The following XPR1 variants were observed in gnomAD, a reference collection of about 807,000 sequenced individuals.
XPR1 encodes xenotropic and polytropic retrovirus receptor 1, also known as solute carrier family 53 member 1.
XPR1 carries 28 observed loss-of-function variants against 87.5 expected under a neutral mutation model. The ratio of observed to expected loss-of-function variants is 0.32; its 90% CI spans 0.24 to 0.44. XPR1 has a LOEUF of 0.44. Among genes scored for constraint, XPR1 ranks in the 20% least tolerant of loss-of-function variants. The probability of loss-of-function intolerance (pLI) is 1.00; values close to 1 mark genes in which losing one functional copy is unlikely to be tolerated. For synonymous variants in XPR1, 300 were observed against 306.1 expected, an observed-to-expected ratio of 0.98 and a Z score of 0.21; for missense variants, 559 against 862.3, an observed-to-expected ratio of 0.65 and a Z score of 4.41.
chr1:180,664,855 C>A (rs1462142465), intron 1 of XPR1, among the ~76,000 whole-genome samples: 1 of 152,146 alleles, frequency 6.6e-6, no homozygotes, highest in Non-Finnish European at 1.5e-5. Flanking sequence ...TACCTCAGAT[C>A]ATCAGGCATT....
chr1:180,660,082 G>T (rs548020374), intron 1 of XPR1, among the ~76,000 whole-genome samples: 1 of 151,950 alleles, frequency 6.6e-6, no homozygotes, highest in Non-Finnish European at 1.5e-5. Context: ...ATTTTTTCAT[G>T]GTTCACTCTT....
At chr1:180,829,157 C>T (rs1407299966) in intron 9 of XPR1, among the ~76,000 whole-genome samples, 1 of 152,160 alleles carries the variant, frequency 6.6e-6, no homozygotes, top group Non-Finnish European at 1.5e-5. Context: ...AATTGTACCA[C>T]TGCACTCCAT....
At position 180,681,784 on chromosome 1, in the gene XPR1, C is replaced by T. The variant is rs567351398; in HGVS notation, c.70-576C>T. 8.5e-5 allele frequency among the ~76,000 whole-genome samples: 13 copies of T among 152,294 alleles called. No homozygotes were observed. The East Asian group carries it at 1.7e-3, about 20-fold the overall frequency. ...CTGGGTTCAAGCGATCCTCCCACCT[C>T]AGCCTTCTGAGTAGCTAGGGCATCA... On this transcript the variant is annotated intron_variant, in intron 1 of 14. Coordinates refer to ENST00000367590, the MANE Select transcript of XPR1 (RefSeq NM_004736.4).
At chr1:180,653,994 G>A (rs776436184) in intron 1 of XPR1, among the ~76,000 whole-genome samples, 10 of 152,046 alleles carry the variant, frequency 6.6e-5, no homozygotes, top group Non-Finnish European at 1.2e-4. Flanking sequence ...GCGAAACCTC[G>A]GATAAGGGGG....
At chr1:180,678,394 C>G (rs1466327773) in intron 1 of XPR1, among the ~76,000 whole-genome samples, 1 of 152,146 alleles carries the variant, frequency 6.6e-6, no homozygotes, top group African/African-American at 2.4e-5. Context: ...CCACTGCCTC[C>G]CATTGAGCTA....
At chr1:180,659,094 C>CCCTCCCTT in intron 1 of XPR1, among the ~76,000 whole-genome samples, 1 of 97,136 alleles carries the variant, frequency 1.0e-5, no homozygotes, top group South Asian at 3.6e-4. Context: ...CTTCCTTCCT[C>CCCTCCCTT]CCTCCCTCCC....
At chr1:180,665,282 G>A (rs1375065429) in intron 1 of XPR1, among the ~76,000 whole-genome samples, 5 of 152,154 alleles carry the variant, frequency 3.3e-5, no homozygotes, top group Admixed American at 6.5e-5. Flanking sequence ...AACCGCCGCC[G>A]TGATCCAAGT....
At chr1:180,766,262 T>C (rs1648282667) in intron 2 of XPR1, among the ~76,000 whole-genome samples, 1 of 152,152 alleles carries the variant, frequency 6.6e-6, no homozygotes, top group African/African-American at 2.4e-5. Context: ...GTAAGAGATA[T>C]TTTCTGTACA....
rs147403032 is a variant in XPR1, at chr1:180,750,062, C to G, written c.122-37691C>G. On this transcript the variant is annotated intron_variant, in intron 2 of 14. Transcript: ENST00000367590. ...ATTGAATATTGAAAACACTATGAATCATAGCACTTGTCAGTATTTCCTTGA... is the reference window on the plus strand; with the variant it reads ...ATTGAATATTGAAAACACTATGAATGATAGCACTTGTCAGTATTTCCTTGA... Among the ~76,000 whole-genome samples, 81 of 152,278 alleles carry G rather than the reference C, an allele frequency of 5.3e-4. 1 individual carries two copies. The highest frequency in any genetic ancestry group is 1.9e-3 in the African/African-American group (77 of 41,568).
chr1:180,724,235 A>G (rs1181764875), intron 2 of XPR1, among the ~76,000 whole-genome samples: 1 of 152,234 alleles, frequency 6.6e-6, no homozygotes, highest in African/African-American at 2.4e-5. Flanking sequence ...AAGAATATCT[A>G]GAGGAGGTGA....
At chr1:180,637,091 GA>G (rs1440499867) in intron 1 of XPR1, among the ~76,000 whole-genome samples, 5 of 144,816 alleles carry the variant, frequency 3.5e-5, no homozygotes, top group African/African-American at 1.3e-4. Context: ...AGGGAAGACA[GA>G]ACTGTTAATT....
At chr1:180,653,669 G>A (rs1271643524) in intron 1 of XPR1, among the ~76,000 whole-genome samples, 1 of 152,094 alleles carries the variant, frequency 6.6e-6, no homozygotes, top group Non-Finnish European at 1.5e-5. Flanking sequence ...GGCACAATAA[G>A]AGATTAACAA....
chr1:180,672,361 G>A (rs1229535626), intron 1 of XPR1, among the ~76,000 whole-genome samples: 1 of 152,090 alleles, frequency 6.6e-6, no homozygotes, highest in East Asian at 1.9e-4. Flanking sequence ...GTATGTACAA[G>A]AGTATATTAA....
At chr1:180,824,548 T>A (rs1650756871) in intron 7 of XPR1, among the ~76,000 whole-genome samples, 1 of 152,068 alleles carries the variant, frequency 6.6e-6, no homozygotes, top group Admixed American at 6.6e-5. Flanking sequence ...GCCATTGCAC[T>A]CCAGCCTGGC....
intron 2 of XPR1, among the ~76,000 whole-genome samples, chr1:180,690,669 A>G (rs926981855): frequency 3.3e-5 from 5 of 151,660 alleles, no homozygotes; most frequent in African/African-American, 1.2e-4. Context: ...TTTGCATAGC[A>G]TTTGTTACTT....
chr1:180,757,749 G>A (rs1199135073), intron 2 of XPR1, among the ~76,000 whole-genome samples: 1 of 151,356 alleles, frequency 6.6e-6, no homozygotes, highest in African/African-American at 2.4e-5. Flanking sequence ...AAAACTTCTG[G>A]CCTCAAGCGA....
At chr1:180,661,828 T>C (rs1289982640) in intron 1 of XPR1, among the ~76,000 whole-genome samples, 2 of 152,048 alleles carry the variant, frequency 1.3e-5, no homozygotes, top group Admixed American at 6.6e-5. Context: ...TTAGCCAAGA[T>C]CATGCCACTA....
chr1:180,669,054 A>G (rs1198636862), intron 1 of XPR1, among the ~76,000 whole-genome samples: 1 of 151,562 alleles, frequency 6.6e-6, no homozygotes, highest in Non-Finnish European at 1.5e-5. Flanking sequence ...GCACCATTGC[A>G]TTCCAGCCTG....
chr1:180,859,461 G>T (rs548789373), intron 11 of XPR1, among the ~76,000 whole-genome samples: 19 of 152,272 alleles, frequency 1.2e-4, no homozygotes, highest in Middle Eastern at 3.4e-3. Flanking sequence ...TGCTACCAGG[G>T]TTAGCCAAGA....
Sources: allele counts gnomAD v4.1 joint callset (sites outside exome capture counted in the v4.1 genomes callset), GRCh38; gene constraint gnomAD v4.1.1; transcripts MANE v1.5; gene names NCBI Gene and HGNC (gene_info 2026-07-23, HGNC 2026-07-21).